CTIF: variants seen among roughly 807,000 people sequenced by gnomAD.
The protein encoded by CTIF is cap binding complex dependent translation initiation factor.
In CTIF, 21 loss-of-function variants were observed where a neutral mutation model predicts 66.0. The ratio of observed to expected loss-of-function variants is 0.32; its 90% CI spans 0.23 to 0.46. The LOEUF (loss-of-function observed/expected upper bound fraction) is 0.46, where lower values mean the gene tolerates loss of function less well. Among genes scored for constraint, CTIF ranks in the 20% least tolerant of loss-of-function variants. The probability of loss-of-function intolerance (pLI) is 1.00; values close to 1 mark genes in which losing one functional copy is unlikely to be tolerated. For missense variants in CTIF, 739 were observed against 812.7 expected (o/e 0.91, Z 1.10); for synonymous variants, 345 against 326.4 (o/e 1.06, Z -0.62).
At chr18:48,666,309 C>T (rs1044716058) in intron 5 of CTIF, among the ~76,000 whole-genome samples, 3 of 152,206 alleles carry the variant, frequency 2.0e-5, no homozygotes, top group Non-Finnish European at 4.4e-5. Flanking sequence ...TCAACCTCTC[C>T]TCTTGGCAAC....
chr18:48,770,434 T>C (rs541582588), intron 9 of CTIF, among the ~76,000 whole-genome samples: 1 of 152,394 alleles, frequency 6.6e-6, no homozygotes, highest in South Asian at 2.1e-4. Context: ...ACAAGTCTCA[T>C]GGGCAGTCTA....
intron 6 of CTIF, among the ~76,000 whole-genome samples, chr18:48,705,274 T>C (rs2092137315): frequency 6.6e-6 from 1 of 152,172 alleles, no homozygotes; most frequent in Non-Finnish European, 1.5e-5. Flanking sequence ...CAGCTTCCCG[T>C]GGCTGCCAGC....
chr18:48,551,203 G>A (rs1029768047), intron 1 of CTIF, among the ~76,000 whole-genome samples: 2 of 151,410 alleles, frequency 1.3e-5, no homozygotes, highest in African/African-American at 2.4e-5. Flanking sequence ...AGGATGCAAC[G>A]AGAAGGCAGC....
chr18:48,848,587 T>C (rs1391689185), intron 10 of CTIF, among the ~76,000 whole-genome samples: 2 of 152,208 alleles, frequency 1.3e-5, no homozygotes, highest in Admixed American at 6.5e-5. Flanking sequence ...GATGTTGGGA[T>C]TGCCAGTGCT....
At chr18:48,635,030 A>G (rs964668475) in intron 2 of CTIF, among the ~76,000 whole-genome samples, 7 of 152,200 alleles carry the variant, frequency 4.6e-5, no homozygotes, top group African/African-American at 1.7e-4. Flanking sequence ...TGGCTACTAG[A>G]AAATTTAAAA....
chr18:48,545,362 C>T (rs78255379), intron 1 of CTIF, among the ~76,000 whole-genome samples: 64 of 152,244 alleles, frequency 4.2e-4, no homozygotes, highest in African/African-American at 1.4e-3. Context: ...GGGAGCCAGG[C>T]GGCCATGGGA....
intron 9 of CTIF, among the ~76,000 whole-genome samples, chr18:48,775,168 A>C (rs1219130627): frequency 6.6e-6 from 1 of 152,122 alleles, no homozygotes; most frequent in African/African-American, 2.4e-5. Flanking sequence ...CTCTGGGTGG[A>C]TCTCAAGCGT....
At chr18:48,643,391 A>G (rs941145331) in intron 3 of CTIF, among the ~76,000 whole-genome samples, 1 of 152,228 alleles carries the variant, frequency 6.6e-6, no homozygotes, top group African/African-American at 2.4e-5. Flanking sequence ...ATCTAATGCT[A>G]ATAGACAAAA....
chr18:48,774,966 TA>T (rs33980107), intron 9 of CTIF, among the ~76,000 whole-genome samples: 78,179 of 150,446 alleles, frequency 0.52, 20,631 homozygotes, highest in African/African-American at 0.6. Flanking sequence ...TTCTGAGTAT[TA>T]AAAAAAAAAA....
At chr18:48,708,639 G>A (rs1056114830) in intron 6 of CTIF, among the ~76,000 whole-genome samples, 1 of 152,226 alleles carries the variant, frequency 6.6e-6, no homozygotes, top group African/African-American at 2.4e-5. Context: ...TTCCTGGAGA[G>A]GGAGGACCTC....
intron 6 of CTIF, among the ~76,000 whole-genome samples, chr18:48,671,686 A>G (rs1031636440): frequency 1.3e-5 from 2 of 151,800 alleles, no homozygotes; most frequent in African/African-American, 4.8e-5. Flanking sequence ...TTATAGTTTC[A>G]TCAAATTTGG....
chr18:48,819,854 G>C (rs904669038), intron 10 of CTIF, among the ~76,000 whole-genome samples: 10 of 152,212 alleles, frequency 6.6e-5, no homozygotes, highest in African/African-American at 2.2e-4. Flanking sequence ...GCATTTACCT[G>C]CTTTGAGCTT....
intron 1 of CTIF, among the ~76,000 whole-genome samples, chr18:48,612,532 C>T (rs1287814093): frequency 6.6e-6 from 1 of 152,230 alleles, no homozygotes; most frequent in Non-Finnish European, 1.5e-5. Context: ...GAGCTGCTTG[C>T]TGGAGAGCAA....
At chr18:48,615,373 T>C (rs1304107667) in intron 1 of CTIF, among the ~76,000 whole-genome samples, 1 of 152,210 alleles carries the variant, frequency 6.6e-6, no homozygotes, top group African/African-American at 2.4e-5. Context: ...CTTTTCTGCT[T>C]TGCATGTTCC....
intron 2 of CTIF, among the ~76,000 whole-genome samples, chr18:48,634,517 G>A (rs1229535756): frequency 1.3e-5 from 2 of 152,226 alleles, no homozygotes; most frequent in African/African-American, 4.8e-5. Context: ...CTCAAAGAAA[G>A]AAGGTGTTGC....
At chr18:48,686,239 A>G (rs573308582) in intron 6 of CTIF, among the ~76,000 whole-genome samples, 99 of 152,248 alleles carry the variant, frequency 6.5e-4, no homozygotes, top group African/African-American at 1.9e-3. Context: ...GTTTTGGCTC[A>G]TAGATTTTTA....
At position 48,562,654 on chromosome 18, in the gene CTIF, G is replaced by C. The variant is rs113268410; in HGVS notation, c.-29+23342G>C. The stretch of plus-strand genomic sequence containing the variant: ...GCTACAAGAGGAATTGATCCTGGTT[G>C]TTGGGAACTTATGCAGGCCAAGAAC... On this transcript the variant is annotated intron_variant, in intron 1 of 11. Coordinates refer to ENST00000256413, the MANE Select transcript of CTIF (RefSeq NM_014772.3). Among the ~76,000 whole-genome samples, 1,158 of 152,318 alleles carry C rather than the reference G, an allele frequency of 7.6e-3. 8 individuals carry two copies. Among genetic ancestry groups the C allele is most frequent in the African/African-American group, 0.027 (1,112 of 41,564 alleles).
intron 1 of CTIF, among the ~76,000 whole-genome samples, chr18:48,597,489 C>G (rs962068710): frequency 3.3e-5 from 5 of 152,150 alleles, no homozygotes; most frequent in African/African-American, 1.2e-4. Flanking sequence ...TTGGTGCCAT[C>G]CCCTTGGTGA....
At chr18:48,642,712 G>A (rs1001843219) in intron 3 of CTIF, among the ~76,000 whole-genome samples, 6 of 152,184 alleles carry the variant, frequency 3.9e-5, no homozygotes, top group Admixed American at 2.6e-4. Context: ...AGATAATGCT[G>A]CAGTAACAAA....
Sources: allele counts gnomAD v4.1 joint callset (sites outside exome capture counted in the v4.1 genomes callset), GRCh38; gene constraint gnomAD v4.1.1; transcripts MANE v1.5; gene names NCBI Gene and HGNC (gene_info 2026-07-23, HGNC 2026-07-21).